Variants in NAV3 observed in about 807,000 individuals in gnomAD.
NAV3 encodes neuron navigator 3.
Under a neutral mutation model 244.7 loss-of-function variants are expected in NAV3, and 87 were observed. The observed-to-expected ratio is 0.36, with a 90% CI of 0.30 to 0.42. NAV3 has a LOEUF of 0.42. Among genes scored for constraint, NAV3 ranks in the 20% least tolerant of loss-of-function variants. The probability of loss-of-function intolerance (pLI) is 1.00; values close to 1 mark genes in which losing one functional copy is unlikely to be tolerated. For missense variants in NAV3, 2,663 were observed against 2,893.3 expected, an observed-to-expected ratio of 0.92 and a Z score of 1.83; for synonymous variants, 1,126 against 1,042.2, an observed-to-expected ratio of 1.08 and a Z score of -1.55.
chr12:77,648,972 A>G (rs1872714428), intron 2 of NAV3, among the ~76,000 whole-genome samples: 1 of 152,172 alleles, frequency 6.6e-6, no homozygotes, highest in African/African-American at 2.4e-5. Flanking sequence ...TGGTCCAGAT[A>G]GAATCAGTCT....
chr12:78,162,195 T>C lies in NAV3; in HGVS notation c.4869+2909T>C, dbSNP rs566838138. Among the ~76,000 whole-genome samples the C allele has an allele frequency of 3.9e-5, 6 of 152,282 alleles. No individual in the cohort carries two copies. The East Asian group carries it at 1.2e-3, about 29-fold the overall frequency. On this transcript the variant is annotated intron_variant, in intron 23 of 39. Transcript: ENST00000397909. ...ATCATATTTCACTAAAGGCATTTCT[T>C]CAGGGAGCTGAGATAAAAGGGTATA...
intron 5 of NAV3, among the ~76,000 whole-genome samples, chr12:77,981,815 T>G (rs1022307226): frequency 1.1e-4 from 17 of 152,086 alleles, no homozygotes; most frequent in African/African-American, 4.1e-4. Flanking sequence ...AATGGTGCTT[T>G]TAGAAGAAAC....
At chr12:77,617,251 C>A (rs758754701) in intron 2 of NAV3, among the ~76,000 whole-genome samples, 34 of 152,112 alleles carry the variant, frequency 2.2e-4, no homozygotes, top group Non-Finnish European at 3.5e-4. Context: ...CCCAGATGTT[C>A]CCCAGTGATC....
At chr12:77,940,490 G>C (rs926744347) in intron 2 of NAV3, 54 bp downstream of exon 2, 1 of 1,411,284 alleles carries the variant, frequency 7.1e-7, no homozygotes, top group Non-Finnish European at 9.9e-7. Context: ...CATCTCTTTG[G>C]TAAAGCACAA....
chr12:77,669,102 A>T (rs573603025), intron 2 of NAV3, among the ~76,000 whole-genome samples: 1 of 152,300 alleles, frequency 6.6e-6, no homozygotes, highest in East Asian at 1.9e-4. Context: ...GGAAAATTAC[A>T]GTCTTTTCCA....
intron 34 of NAV3, among the ~76,000 whole-genome samples, chr12:78,195,132 C>T (rs890015320): frequency 6.6e-6 from 1 of 151,958 alleles, no homozygotes; most frequent in Non-Finnish European, 1.5e-5. Flanking sequence ...CTTTCCTCTA[C>T]TGAAAACAAA....
At chr12:77,950,037 T>G (rs1390654422) in intron 3 of NAV3, among the ~76,000 whole-genome samples, 2 of 152,172 alleles carry the variant, frequency 1.3e-5, no homozygotes, top group African/African-American at 4.8e-5. Flanking sequence ...ATTGTCTGAA[T>G]GTACCACAGT....
chr12:77,892,412 A>T (rs1163684381), intron 1 of NAV3, among the ~76,000 whole-genome samples: 1 of 151,118 alleles, frequency 6.6e-6, no homozygotes, highest in African/African-American at 2.4e-5. Context: ...AAATTAGACC[A>T]TTTGAATTTT....
At chr12:78,153,253 G>A (rs1957144778) in intron 22 of NAV3, among the ~76,000 whole-genome samples, 2 of 151,938 alleles carry the variant, frequency 1.3e-5, no homozygotes, top group African/African-American at 4.8e-5. Context: ...TCTCTAGTTA[G>A]CTCACCTCTC....
intron 23 of NAV3, among the ~76,000 whole-genome samples, chr12:78,161,582 A>T (rs895322661): frequency 2.6e-5 from 4 of 152,112 alleles, no homozygotes; most frequent in African/African-American, 9.6e-5. Flanking sequence ...ATTTAAAAAT[A>T]ATTTCTATAA....
chr12:77,841,568 G>T (rs1359859566), intron 1 of NAV3, among the ~76,000 whole-genome samples: 1 of 152,024 alleles, frequency 6.6e-6, no homozygotes, highest in Non-Finnish European at 1.5e-5. Context: ...TGACCCAAAG[G>T]CCAAATTTGG....
intron 1 of NAV3, among the ~76,000 whole-genome samples, chr12:77,873,186 C>T (rs1036289412): frequency 6.6e-6 from 1 of 152,228 alleles, no homozygotes; most frequent in African/African-American, 2.4e-5. Context: ...CCATGTGGAA[C>T]TTGAGTCCCT....
At chr12:77,718,821 A>G (rs1876482507) in intron 2 of NAV3, among the ~76,000 whole-genome samples, 1 of 151,488 alleles carries the variant, frequency 6.6e-6, no homozygotes, top group South Asian at 2.1e-4. Context: ...CCATGCCTAA[A>G]AATTTTGTAT....
chr12:78,174,822 A>G (rs1028621894), intron 24 of NAV3, among the ~76,000 whole-genome samples: 3 of 151,928 alleles, frequency 2.0e-5, no homozygotes, highest in Non-Finnish European at 4.4e-5. Flanking sequence ...ACATGACTTC[A>G]GGTTTTGTTT....
chr12:77,609,597 A>T, intron 2 of NAV3, among the ~76,000 whole-genome samples: 1 of 152,054 alleles, frequency 6.6e-6, no homozygotes, highest in East Asian at 1.9e-4. Flanking sequence ...TGAGTTGCTG[A>T]TTTAATAAGT....
intron 2 of NAV3, among the ~76,000 whole-genome samples, chr12:77,795,907 G>GA (rs1871385650): frequency 6.6e-6 from 1 of 152,092 alleles, no homozygotes; most frequent in Non-Finnish European, 1.5e-5. Flanking sequence ...CTACTGCTTG[G>GA]AAAGAAAAGA....
At chr12:77,694,119 A>C (rs1286361216) in intron 2 of NAV3, among the ~76,000 whole-genome samples, 1 of 151,980 alleles carries the variant, frequency 6.6e-6, no homozygotes, top group Non-Finnish European at 1.5e-5. Context: ...CCTAGAGTTC[A>C]TGATGTTTGT....
intron 12 of NAV3, among the ~76,000 whole-genome samples, chr12:78,069,324 T>C (rs1952634781): frequency 2.6e-5 from 4 of 152,048 alleles, no homozygotes; most frequent in African/African-American, 7.2e-5. Flanking sequence ...AAAACTTTTC[T>C]AGGTTTATTA....
intron 2 of NAV3, among the ~76,000 whole-genome samples, chr12:77,802,345 A>G (rs1455020756): frequency 6.6e-6 from 1 of 152,210 alleles, no homozygotes; most frequent in Non-Finnish European, 1.5e-5. Flanking sequence ...TTGTCTTTCA[A>G]CTATAGTTGA....
Sources: allele counts gnomAD v4.1 joint callset (sites outside exome capture counted in the v4.1 genomes callset), GRCh38; gene constraint gnomAD v4.1.1; transcripts MANE v1.5; gene names NCBI Gene and HGNC (gene_info 2026-07-23, HGNC 2026-07-21).